The following SLC2A7 variants were observed in gnomAD, a reference collection of about 807,000 sequenced individuals.
The protein encoded by SLC2A7 is solute carrier family 2 member 7, also known as solute carrier family 2, facilitated glucose transporter member 7.
SLC2A7 carries 50 observed loss-of-function variants against 50.5 expected under a neutral mutation model. That is an observed-to-expected ratio of 0.99 (90% CI 0.79 to 1.25). The LOEUF is 1.25. Ranked by LOEUF, SLC2A7 falls within the 50% of genes most tolerant of loss-of-function variation. The pLI is 0.00. For missense variants in SLC2A7, 683 were observed against 679.1 expected, an observed-to-expected ratio of 1.01 and a Z score of -0.06; for synonymous variants, 308 against 300.4, an observed-to-expected ratio of 1.03 and a Z score of -0.26.
chr1:9,017,835 A>T (rs1306719931), intron 5 of SLC2A7, among the ~76,000 whole-genome samples: 1 of 152,170 alleles, frequency 6.6e-6, no homozygotes, highest in Non-Finnish European at 1.5e-5. Context: ...ACAGCCACCC[A>T]GTGACAGAGA....
At chr1:9,003,543 G>C (rs4908804) in intron 11 of SLC2A7, 25 bp from the exon 12 acceptor site, 770,588 of 1,602,778 alleles carry the variant, frequency 0.48, 187,964 homozygotes, top group East Asian at 0.66. Context: ...GAGAAAGACA[G>C]GAGGGGGCAG....
At chr1:8,998,190 GGTCAGGAGT>G (rs1640532501), downstream of SLC2A7, among the ~76,000 whole-genome samples, 2 of 152,110 alleles carry the variant, frequency 1.3e-5, no homozygotes, top group African/African-American at 4.8e-5. Context: ...GATCACTTGA[GGTCAGGAGT>G]TCAAGACCAT....
chr1:9,007,818 A>G (rs752605834), intron 9 of SLC2A7, among the ~76,000 whole-genome samples: 2 of 150,162 alleles, frequency 1.3e-5, no homozygotes, highest in African/African-American at 2.5e-5. Context: ...GGCTCACTGC[A>G]GCCTCCGCCT....
chr1:9,023,831 T>C (rs1357655734), intron 2 of SLC2A7, among the ~76,000 whole-genome samples: 1 of 42,016 alleles, frequency 2.4e-5, no homozygotes, highest in Non-Finnish European at 4.3e-5. Context: ...TAGGAAATAT[T>C]CTTCTTCTTT....
At position 9,010,185 on chromosome 1, in the gene SLC2A7, G is replaced by A. The variant is rs374697558; in HGVS notation, c.1074C>T (p.Cys358=). 6.1e-5 allele frequency: 94 copies of A among 1,551,486 alleles called. No individual in the cohort carries two copies. The highest frequency in any genetic ancestry group is 1.4e-4 in the African/African-American group (10 of 73,044). Residue 358 remains cysteine, a synonymous_variant, in exon 9 of 12, where the codon TGC becomes TGT. Coordinates refer to ENST00000400906, the MANE Select transcript of SLC2A7 (RefSeq NM_207420.3). ...RHLLLAGYGI[C]GSACLVLTVV... The stretch of plus-strand genomic sequence containing the variant: ...CCGTCAGCACCAGGCAGGCAGAGCC[G>A]CAGATGCCGTAGCCGGCCAGCAGGA...
chr1:9,011,749 T>C (rs865996947), intron 8 of SLC2A7, among the ~76,000 whole-genome samples: 114 of 122,860 alleles, frequency 9.3e-4, no homozygotes, highest in East Asian at 3.5e-3. Context: ...TCTTCTTCTT[T>C]TTTTTTTTTT....
chr1:9,021,234 T>C (rs769011544), intron 3 of SLC2A7, among the ~76,000 whole-genome samples: 5 of 152,216 alleles, frequency 3.3e-5, no homozygotes, highest in Non-Finnish European at 7.3e-5. Context: ...GGTCTCGAAC[T>C]CTTAGCCTGA....
chr1:9,007,238 G>A (rs977216688), intron 10 of SLC2A7, 72 bp downstream of exon 10: 15 of 1,537,612 alleles, frequency 9.8e-6, no homozygotes, highest in Middle Eastern at 1.7e-4. Context: ...AATATGTGTC[G>A]AGCACTGACT....
At position 9,007,339 on chromosome 1, in the gene SLC2A7, G is replaced by T. The variant is rs754130125; in HGVS notation, c.1163C>A (p.Ala388Asp). 2 of 1,614,220 alleles carry T rather than the reference G, an allele frequency of 1.2e-6. No homozygotes were observed. Among genetic ancestry groups the T allele is most frequent in the South Asian group, 2.2e-5 (2 of 91,088 alleles). ...CCCAATGGAATGTCCCGCGATGTAG[G>T]CAAAGACACAGATGATGCCGAGGTA... is the stretch of plus-strand genomic sequence containing the variant. ...LSYLGIICVF[A>D]YIAGHSIGPS... The change falls in exon 10 of 12, where the codon GCC becomes GAC. Residue 388 changes from alanine (A) to aspartate (D), a missense_variant. Ala to Asp is a moderately radical substitution (Grantham distance 126, BLOSUM62 -2). Transcript: ENST00000400906.
intron 5 of SLC2A7, 72 bp downstream of exon 5, chr1:9,018,151 G>T (rs1433291613): frequency 6.3e-7 from 1 of 1,592,492 alleles, no homozygotes. Flanking sequence ...CATCTGACTC[G>T]ATCCGTCAGT....
chr1:9,003,448 A>C lies in SLC2A7; in HGVS notation c.1391T>G (p.Val464Gly). The part of the protein sequence containing the change: ...ICLLTAIYIY[V>G]VIPETKGKTF... Reference sequence around the variant, plus strand: ...TTTGCCCTTGGTCTCCGGAATAACCACGTAGATGTAAATCGCAGTGAGGAG... The same window carrying C: ...TTTGCCCTTGGTCTCCGGAATAACCCCGTAGATGTAAATCGCAGTGAGGAG... Residue 464 changes from valine to glycine, a missense_variant, in exon 12 of 12, where the codon GTG (valine) becomes GGG (glycine). Val to Gly is a moderately radical substitution (Grantham distance 109). Transcript: ENST00000400906. 1 of 1,614,202 alleles carries C rather than the reference A, an allele frequency of 6.2e-7. No individual in the cohort carries two copies. The highest frequency in any genetic ancestry group is 1.3e-5 in the African/African-American group (1 of 75,068).
intron 4 of SLC2A7, 41 bp downstream of exon 4, chr1:9,019,168 C>T (rs773951463): frequency 2.0e-5 from 32 of 1,600,298 alleles, no homozygotes; most frequent in Non-Finnish European, 2.7e-5. Context: ...GCCAAACAGA[C>T]CCTTCCCCCA....
In SLC2A7 at chr1:9,003,084, C is replaced by T. The variant is rs765395816; in HGVS notation, c.*216G>A. On this transcript the variant is annotated 3_prime_UTR_variant, in exon 12 of 12. Coordinates refer to ENST00000400906, the MANE Select transcript of SLC2A7 (RefSeq NM_207420.3). ...TCTTAACCAATCAAAATTCACGTGC[C>T]GGCCCCTTCCTCCAGGTCATTCCTC... Among the ~76,000 whole-genome samples the T allele has an allele frequency of 1.3e-5, 2 of 152,202 alleles. No individual in the cohort carries two copies. The highest frequency in any genetic ancestry group is 4.8e-5 in the African/African-American group (2 of 41,446).
chr1:9,004,330 C>CAAAA (rs1640619500), intron 11 of SLC2A7, among the ~76,000 whole-genome samples: 3 of 64,866 alleles, frequency 4.6e-5, no homozygotes, highest in Admixed American at 2.8e-4. Flanking sequence ...AAGGCCCTGT[C>CAAAA]TAAAAAAAAA....
chr1:9,015,891 T>A (rs373798672), intron 5 of SLC2A7, among the ~76,000 whole-genome samples: 1 of 48,016 alleles, frequency 2.1e-5, no homozygotes, highest in South Asian at 5.2e-4. Context: ...ACCTGGCTCA[T>A]TTTTTTTTTT....
intron 10 of SLC2A7, 102 bp from the exon 11 acceptor site, chr1:9,004,981 A>G (rs1640634161): frequency 1.5e-6 from 2 of 1,355,038 alleles, no homozygotes; most frequent in Admixed American, 2.5e-5. Context: ...GACCCTCAAG[A>G]GTACCAGCTG....
downstream of SLC2A7, among the ~76,000 whole-genome samples, chr1:9,001,664 C>T (rs7548457): frequency 0.21 from 31,707 of 151,848 alleles, 3,791 homozygotes; most frequent in Non-Finnish European, 0.27. Context: ...GTGATCTACT[C>T]GCTTCAGCCT....
chr1:9,007,862 G>A (rs1462702566), intron 9 of SLC2A7, among the ~76,000 whole-genome samples: 7 of 151,808 alleles, frequency 4.6e-5, no homozygotes, highest in African/African-American at 1.7e-4. Flanking sequence ...TCCGCCTCCT[G>A]TAGCTGGGAC....
At chr1:9,007,503 C>T (rs1640672985) in intron 9 of SLC2A7, 118 bp from the exon 10 acceptor site, 1 of 880,764 alleles carries the variant, frequency 1.1e-6, no homozygotes, top group Non-Finnish European at 1.8e-6. Context: ...GTCTGGGCAC[C>T]TCCATGGACC....
Sources: gnomAD v4.1 joint callset for allele counts (sites outside exome capture counted in the v4.1 genomes callset) on GRCh38, gnomAD v4.1.1 for gene constraint, MANE v1.5 for transcripts, NCBI Gene and HGNC (gene_info 2026-07-23, HGNC 2026-07-21) for gene names.